The following RORA variants were observed in gnomAD, a reference collection of about 807,000 sequenced individuals.
RORA encodes nuclear receptor ROR-alpha.
RORA carries 7 observed loss-of-function variants against 69.5 expected under a neutral mutation model. The ratio of observed to expected loss-of-function variants is 0.10; its 90% CI spans 0.06 to 0.19. RORA has a LOEUF of 0.19. RORA is among the 10% of genes least tolerant of loss of function. RORA has a pLI of 1.00. For missense variants in RORA, 457 were observed against 663.0 expected, an observed-to-expected ratio of 0.69 and a Z score of 3.41; for synonymous variants, 261 against 240.8, an observed-to-expected ratio of 1.08 and a Z score of -0.78.
intron 2 of RORA, among the ~76,000 whole-genome samples, chr15:60,614,172 G>A (rs148391841): frequency 9.4e-4 from 143 of 152,228 alleles, no homozygotes; most frequent in African/African-American, 3.3e-3. Flanking sequence ...CTTTTAGGCT[G>A]ACAGGCTACA....
intron 1 of RORA, among the ~76,000 whole-genome samples, chr15:60,683,921 G>A (rs1419076662): frequency 6.6e-6 from 1 of 152,136 alleles, no homozygotes; most frequent in East Asian, 1.9e-4. Context: ...GCCCTGCCAT[G>A]GTTATCAGTA....
At chr15:60,902,135 C>T (rs1308164133) in intron 1 of RORA, among the ~76,000 whole-genome samples, 1 of 152,168 alleles carries the variant, frequency 6.6e-6, no homozygotes, top group Non-Finnish European at 1.5e-5. Flanking sequence ...ACAGTTCTAA[C>T]TCGATTTTCT....
At chr15:60,684,215 C>T (rs917243198) in intron 1 of RORA, among the ~76,000 whole-genome samples, 1 of 152,068 alleles carries the variant, frequency 6.6e-6, no homozygotes, top group Non-Finnish European at 1.5e-5. Flanking sequence ...CACTCTGCCA[C>T]TTTGCCAGTA....
At chr15:61,169,746 C>T (rs975885125) in intron 1 of RORA, among the ~76,000 whole-genome samples, 1 of 150,976 alleles carries the variant, frequency 6.6e-6, no homozygotes, top group Non-Finnish European at 1.5e-5. Flanking sequence ...TCAAACCCCC[C>T]AGCAACTGTC....
intron 1 of RORA, among the ~76,000 whole-genome samples, chr15:60,679,605 T>A (rs771333602): frequency 1.1e-5 from 1 of 91,426 alleles, no homozygotes; most frequent in Non-Finnish European, 2.4e-5. Flanking sequence ...AACCTTGAAA[T>A]TTTTTTTTCT....
At chr15:60,769,508 G>T (rs1381306771) in intron 1 of RORA, among the ~76,000 whole-genome samples, 1 of 152,142 alleles carries the variant, frequency 6.6e-6, no homozygotes, top group Non-Finnish European at 1.5e-5. Flanking sequence ...TTTGGTTAGG[G>T]TTTAGGGGAT....
At chr15:61,033,521 G>A (rs2140449792) in intron 1 of RORA, among the ~76,000 whole-genome samples, 1 of 152,254 alleles carries the variant, frequency 6.6e-6, no homozygotes, top group South Asian at 2.1e-4. Context: ...GACAGAGGGT[G>A]ATTCATTCTT....
At chr15:61,149,223 G>A (rs1378593566) in intron 1 of RORA, among the ~76,000 whole-genome samples, 1 of 152,132 alleles carries the variant, frequency 6.6e-6, no homozygotes, top group African/African-American at 2.4e-5. Flanking sequence ...GTGATTGTTC[G>A]TGTTACTGAA....
intron 1 of RORA, among the ~76,000 whole-genome samples, chr15:60,886,695 G>A (rs950230932): frequency 6.6e-6 from 1 of 152,186 alleles, no homozygotes; most frequent in Non-Finnish European, 1.5e-5. Flanking sequence ...ATGAACAATT[G>A]TAAGGATGAT....
chr15:60,699,506 G>C (rs2070952380), intron 1 of RORA, among the ~76,000 whole-genome samples: 1 of 152,120 alleles, frequency 6.6e-6, no homozygotes, highest in Non-Finnish European at 1.5e-5. Context: ...AAAAGGCTTA[G>C]AGCCAAATTC....
intron 1 of RORA, among the ~76,000 whole-genome samples, chr15:60,745,987 G>GA (rs1244522672): frequency 6.6e-6 from 1 of 152,020 alleles, no homozygotes; most frequent in Non-Finnish European, 1.5e-5. Flanking sequence ...AGACCCTCTG[G>GA]AAAAAAATAT....
At chr15:61,036,182 G>A (rs920853514) in intron 1 of RORA, among the ~76,000 whole-genome samples, 14 of 152,188 alleles carry the variant, frequency 9.2e-5, no homozygotes, top group Non-Finnish European at 1.6e-4. Context: ...GCAGCAACCA[G>A]GGAAAATTCC....
chr15:61,034,043 G>A (rs11629710), intron 1 of RORA, among the ~76,000 whole-genome samples: 11,775 of 152,140 alleles, frequency 0.077, 552 homozygotes, highest in Non-Finnish European at 0.096. Flanking sequence ...GTAGTTACTA[G>A]GAAATTTAAA....
At chr15:60,538,384 T>C (rs1402171044) in intron 2 of RORA, among the ~76,000 whole-genome samples, 1 of 152,142 alleles carries the variant, frequency 6.6e-6, no homozygotes. Context: ...TGGTGGTAAA[T>C]GAGTGCTCAC....
chr15:60,876,028 T>C (rs2073610053), intron 1 of RORA, among the ~76,000 whole-genome samples: 1 of 152,184 alleles, frequency 6.6e-6, no homozygotes, highest in Non-Finnish European at 1.5e-5. Context: ...GTTCAGCGTA[T>C]TTAATGTCAG....
At chr15:61,034,513 T>G (rs865843401) in intron 1 of RORA, among the ~76,000 whole-genome samples, 3 of 152,144 alleles carry the variant, frequency 2.0e-5, no homozygotes, top group Non-Finnish European at 4.4e-5. Context: ...CCAAAAGTTA[T>G]AGCTTACAGG....
intron 4 of RORA, among the ~76,000 whole-genome samples, chr15:60,513,351 C>T (rs997011417): frequency 6.6e-6 from 1 of 152,176 alleles, no homozygotes; most frequent in African/African-American, 2.4e-5. Context: ...ACTGAAGGTG[C>T]TTAATTTTTT....
intron 1 of RORA, among the ~76,000 whole-genome samples, chr15:60,767,152 T>C (rs888496885): frequency 6.6e-6 from 1 of 152,220 alleles, no homozygotes; most frequent in Non-Finnish European, 1.5e-5. Context: ...TAAATAGGGC[T>C]TCCTGCCTGC....
At position 60,834,596 on chromosome 15, in the gene RORA, G is replaced by T. The variant is rs1394482475; in HGVS notation, c.167-155910C>A. Among the ~76,000 whole-genome samples the T allele has an allele frequency of 9.2e-5, 14 of 152,188 alleles. No individual in the cohort carries two copies. In the East Asian group the frequency reaches 2.7e-3, roughly 29 times the overall value. On this transcript the variant is annotated intron_variant, in intron 1 of 10. Transcript: ENST00000335670. ...TGCCTGTTAATGGAATGATAAATGT[G>T]AGAAATTCAGTGAGGCCACTTAAGC... is the stretch of plus-strand genomic sequence containing the variant.
Sources: gnomAD v4.1 joint callset for allele counts (sites outside exome capture counted in the v4.1 genomes callset) on GRCh38, gnomAD v4.1.1 for gene constraint, MANE v1.5 for transcripts, NCBI Gene and HGNC (gene_info 2026-07-23, HGNC 2026-07-21) for gene names.